Variants in SLC2A9 observed in about 807,000 individuals in gnomAD.
SLC2A9 encodes solute carrier family 2 member 9.
In SLC2A9, 39 loss-of-function variants were observed where a neutral mutation model predicts 50.6. The ratio of observed to expected loss-of-function variants is 0.77; its 90% CI spans 0.60 to 1.01. SLC2A9 has a LOEUF of 1.01. Among genes scored for constraint, SLC2A9 ranks in the 50% least tolerant of loss-of-function variants. The pLI is 0.00. For synonymous variants in SLC2A9, 324 were observed against 276.9 expected (o/e 1.17, Z -1.69); for missense variants, 686 against 677.6 (o/e 1.01, Z -0.14).
intron 5 of SLC2A9, among the ~76,000 whole-genome samples, chr4:9,972,983 C>G (rs1269553221): frequency 6.6e-6 from 1 of 151,986 alleles, no homozygotes; most frequent in East Asian, 1.9e-4. Context: ...GATCCAAAAT[C>G]CATACAAAGA....
At position 9,947,256 on chromosome 4, in the gene SLC2A9, TG is replaced by T. The variant is rs1305648731; in HGVS notation, c.682-5212del. On this transcript the variant is annotated intron_variant, in intron 5 of 11. Coordinates refer to ENST00000264784, the MANE Select transcript of SLC2A9 (RefSeq NM_020041.3). ...GGGACCACCCACTCGTCCTTGCAGTTGTCCTAGCCTGCAGGTTTGCAGGTGC... is the reference window on the plus strand; with the variant it reads ...GGGACCACCCACTCGTCCTTGCAGTTTCCTAGCCTGCAGGTTTGCAGGTGC... Among the ~76,000 whole-genome samples the T allele has an allele frequency of 2.6e-5, 4 of 152,214 alleles. No homozygotes were observed. In the East Asian group the frequency reaches 5.8e-4, roughly 22 times the overall value.
chr4:10,022,740 C>T (rs527981490), upstream of SLC2A9, among the ~76,000 whole-genome samples: 39 of 152,242 alleles, frequency 2.6e-4, no homozygotes, highest in African/African-American at 8.9e-4. Context: ...GTGTGGAGTA[C>T]GGCAGACATT....
At chr4:9,893,228 T>TC (rs1306744353) in intron 8 of SLC2A9, among the ~76,000 whole-genome samples, 2 of 136,888 alleles carry the variant, frequency 1.5e-5, no homozygotes, top group Non-Finnish European at 3.2e-5. Flanking sequence ...CCCCACCCCC[T>TC]CCCCCCTCCG....
At chr4:9,841,315 T>A (rs1728051889) in intron 10 of SLC2A9, among the ~76,000 whole-genome samples, 1 of 152,174 alleles carries the variant, frequency 6.6e-6, no homozygotes, top group African/African-American at 2.4e-5. Flanking sequence ...TGAGCGACTT[T>A]GTTCTCTTGT....
chr4:9,834,083 C>T (rs1726637563), intron 11 of SLC2A9, among the ~76,000 whole-genome samples: 1 of 152,190 alleles, frequency 6.6e-6, no homozygotes, highest in African/African-American at 2.4e-5. Context: ...AATATTAGCC[C>T]TGCCTAAGGG....
rs752093635 is a variant in SLC2A9, at chr4:9,826,561, T to A, written c.1459A>T (p.Ile487Phe). The change falls in exon 12 of 12, where the codon ATT becomes TTT. Residue 487 changes from isoleucine (I) to phenylalanine (F), a missense_variant. Transcript: ENST00000264784. ...DTYCFLVFAT[I>F]CITGAIYLYF... Reference sequence around the variant, plus strand: ...AGGTAGATAGCACCTGTGATACAAATTGTAGCAAAGACTAGGAAACAGTAG... The same window carrying A: ...AGGTAGATAGCACCTGTGATACAAAATGTAGCAAAGACTAGGAAACAGTAG... 6.2e-7 allele frequency: 1 copy of A among 1,613,926 alleles called. No homozygotes were observed. Among genetic ancestry groups the A allele is most frequent in the African/African-American group, 1.3e-5 (1 of 74,900 alleles).
At chr4:9,780,932 T>TG in intron 3 of SLC2A9, among the ~76,000 whole-genome samples, 1 of 151,856 alleles carries the variant, frequency 6.6e-6, no homozygotes, top group South Asian at 2.1e-4. Flanking sequence ...TCTATGGGGG[T>TG]GGGGGGCTCT....
intron 7 of SLC2A9, among the ~76,000 whole-genome samples, chr4:9,913,990 C>T (rs903941784): frequency 1.3e-5 from 2 of 152,206 alleles, no homozygotes; most frequent in Non-Finnish European, 2.9e-5. Context: ...CATGACGTAA[C>T]TGCATTCCCA....
At chr4:9,926,995 T>C (rs1241716020) in intron 6 of SLC2A9, among the ~76,000 whole-genome samples, 1 of 151,066 alleles carries the variant, frequency 6.6e-6, no homozygotes, top group Non-Finnish European at 1.5e-5. Context: ...ACTTCTGGCC[T>C]CCAGAACTGT....
At chr4:10,000,861 T>G (rs567745921) in intron 2 of SLC2A9, among the ~76,000 whole-genome samples, 1 of 152,270 alleles carries the variant, frequency 6.6e-6, no homozygotes, top group East Asian at 1.9e-4. Context: ...CATTCTCCAG[T>G]TGCTCAGCCA....
intron 10 of SLC2A9, among the ~76,000 whole-genome samples, chr4:9,878,680 A>G (rs958921983): frequency 3.9e-5 from 6 of 152,028 alleles, no homozygotes; most frequent in Non-Finnish European, 1.5e-5. Context: ...TCATGCTAGC[A>G]AATAATTATC....
At chr4:9,903,922 C>G (rs1740142193) in intron 8 of SLC2A9, among the ~76,000 whole-genome samples, 1 of 145,120 alleles carries the variant, frequency 6.9e-6, no homozygotes, top group Non-Finnish European at 1.5e-5. Flanking sequence ...TAAAATATAT[C>G]TACATATTTT....
At chr4:9,920,829 T>C (rs1240417021) in intron 6 of SLC2A9, among the ~76,000 whole-genome samples, 2 of 152,364 alleles carry the variant, frequency 1.3e-5, no homozygotes, top group East Asian at 3.9e-4. Flanking sequence ...GTCTCTTGAC[T>C]GTCCGCAACG....
chr4:10,031,202 C>T (rs949736839), intron 1 of SLC2A9, among the ~76,000 whole-genome samples: 4 of 152,220 alleles, frequency 2.6e-5, no homozygotes, highest in African/African-American at 7.2e-5. Context: ...GCCATTTCCT[C>T]CCTTTGATTT....
intron 3 of SLC2A9, among the ~76,000 whole-genome samples, chr4:9,815,149 A>C (rs1006613179): frequency 6.6e-6 from 1 of 152,222 alleles, no homozygotes; most frequent in Non-Finnish European, 1.5e-5. Context: ...GCAAACTTGA[A>C]GATAAATGAG....
intron 4 of SLC2A9, among the ~76,000 whole-genome samples, chr4:9,985,029 G>T (rs1756478316): frequency 2.0e-5 from 3 of 152,156 alleles, no homozygotes; most frequent in African/African-American, 7.2e-5. Context: ...GCTGGGAACA[G>T]TTCTCACCCT....
chr4:9,926,422 A>C (rs959162407), intron 6 of SLC2A9, among the ~76,000 whole-genome samples: 1 of 149,832 alleles, frequency 6.7e-6, no homozygotes, highest in African/African-American at 2.5e-5. Context: ...TGAAGTATTT[A>C]ATGTTTCCAT....
intron 10 of SLC2A9, among the ~76,000 whole-genome samples, chr4:9,876,749 C>T (rs1306996686): frequency 6.6e-6 from 1 of 152,134 alleles, no homozygotes; most frequent in Non-Finnish European, 1.5e-5. Flanking sequence ...AAGTCCCTTC[C>T]CTAAAAGCCT....
At chr4:9,778,760 G>A (rs1487682121), downstream of SLC2A9, among the ~76,000 whole-genome samples, 2 of 152,140 alleles carry the variant, frequency 1.3e-5, no homozygotes, top group South Asian at 2.1e-4. Context: ...GGAGAAAGGA[G>A]GTTCAGAACA....
Sources: gnomAD v4.1 joint callset for allele counts (sites outside exome capture counted in the v4.1 genomes callset) on GRCh38, gnomAD v4.1.1 for gene constraint, MANE v1.5 for transcripts, NCBI Gene and HGNC (gene_info 2026-07-23, HGNC 2026-07-21) for gene names.